The following NFATC2 variants were observed in gnomAD, a reference collection of about 807,000 sequenced individuals.
NFATC2 encodes the protein nuclear factor of activated T cells 2, also known as nuclear factor of activated T-cells, cytoplasmic 2.
Under a neutral mutation model 87.3 loss-of-function variants are expected in NFATC2, and 22 were observed. The ratio of observed to expected loss-of-function variants is 0.25; its 90% CI spans 0.18 to 0.36. The LOEUF (loss-of-function observed/expected upper bound fraction) is 0.36. NFATC2 is among the 10% of genes least tolerant of loss of function. The probability of loss-of-function intolerance (pLI) is 1.00; values close to 1 mark genes in which losing one functional copy is unlikely to be tolerated. For missense variants in NFATC2, 1,149 were observed against 1,259.1 expected (o/e 0.91, Z 1.32); for synonymous variants, 565 against 542.2 (o/e 1.04, Z -0.58).
chr20:51,406,274 C>T (rs182762377), intron 9 of NFATC2, among the ~76,000 whole-genome samples: 2 of 152,336 alleles, frequency 1.3e-5, no homozygotes, highest in African/African-American at 4.8e-5. Flanking sequence ...CAAGAATACG[C>T]TTCTCTGAAT....
rs759708893 is a variant in NFATC2, at chr20:51,474,031, A to G, written c.1657T>C (p.Ser553Pro). The G allele has an allele frequency of 6.2e-7, 1 of 1,613,980 alleles. No homozygotes were observed. The highest frequency in any genetic ancestry group is 2.2e-5 in the East Asian group (1 of 44,862). Residue 553 changes from serine (S) to proline (P), a missense_variant, in exon 5 of 11, where the codon TCC becomes CCC. By Grantham distance (74) the Ser-to-Pro change is moderately conservative. Coordinates refer to ENST00000371564, the MANE Select transcript of NFATC2 (RefSeq NM_012340.5). ...RLVFRVHIPESSGRIVSLQTA... is the reference protein window; with the variant it reads ...RLVFRVHIPEPSGRIVSLQTA... ...TGTAAAGAGACGATTCTGCCACTGG[A>G]CTCTGGGATGTGAACTCGGAAAACC...
intron 3 of NFATC2, among the ~76,000 whole-genome samples, chr20:51,514,228 G>C (rs2076316215): frequency 6.6e-6 from 1 of 152,194 alleles, no homozygotes; most frequent in Non-Finnish European, 1.5e-5. Context: ...ACCATGCCTG[G>C]TACATAGTAG....
At chr20:51,560,916 A>G (rs1252985755) in intron 1 of NFATC2, among the ~76,000 whole-genome samples, 2 of 152,218 alleles carry the variant, frequency 1.3e-5, no homozygotes, top group Non-Finnish European at 2.9e-5. Context: ...TAGATCACAC[A>G]GTAAAACAGA....
At chr20:51,434,604 T>C (rs1399553821) in intron 8 of NFATC2, among the ~76,000 whole-genome samples, 1 of 152,236 alleles carries the variant, frequency 6.6e-6, no homozygotes, top group East Asian at 1.9e-4. Context: ...ATTCTTACCC[T>C]GTAGTGTTCA....
intron 7 of NFATC2, 112 bp downstream of exon 7, chr20:51,435,594 A>T: frequency 8.6e-7 from 1 of 1,168,226 alleles, no homozygotes; most frequent in Non-Finnish European, 1.2e-6. Context: ...AGTACCTGTT[A>T]GGTCCAGAGC....
In NFATC2 at chr20:51,467,653, C is replaced by T. The variant is rs185290469; in HGVS notation, c.1708+6327G>A. ...GCACATTAAAACCACAATGAGATCC[C>T]ATTTTACTCTCATTAGAAGGGTTAA... is the stretch of plus-strand genomic sequence containing the variant. On this transcript the variant is annotated intron_variant, in intron 5 of 10. Transcript: ENST00000371564. Among the ~76,000 whole-genome samples, 12 of 152,302 alleles carry T rather than the reference C, an allele frequency of 7.9e-5. No individual in the cohort carries two copies. The East Asian group carries it at 1.2e-3, about 15-fold the overall frequency.
At chr20:51,521,575 C>T (rs1193748701) in intron 2 of NFATC2, among the ~76,000 whole-genome samples, 1 of 152,242 alleles carries the variant, frequency 6.6e-6, no homozygotes, top group Non-Finnish European at 1.5e-5. Flanking sequence ...CCCACCTCGG[C>T]CTCCCAAAGT....
At chr20:51,442,079 T>G (rs1984417548) in intron 6 of NFATC2, among the ~76,000 whole-genome samples, 1 of 152,330 alleles carries the variant, frequency 6.6e-6, no homozygotes, top group South Asian at 2.1e-4. Context: ...AGAAGAGCAC[T>G]GGGCAGCCCT....
At chr20:51,558,969 G>T (rs1332928575) in intron 1 of NFATC2, among the ~76,000 whole-genome samples, 3 of 152,194 alleles carry the variant, frequency 2.0e-5, no homozygotes, top group Non-Finnish European at 4.4e-5. Context: ...GCCTCAGGGG[G>T]CTTGTAATCT....
rs1201700455 is a variant in NFATC2 at position 51,465,436 on chromosome 20, C to T, written c.1708+8544G>A. On this transcript the variant is annotated intron_variant, in intron 5 of 10. Coordinates refer to ENST00000371564, the MANE Select transcript of NFATC2 (RefSeq NM_012340.5). ...TCAACCTCCTACTTGGAACCCATGG[C>T]TTCCCATCCTAATTAGAATAAAATC... Among the ~76,000 whole-genome samples, 9 of 152,138 alleles carry T rather than the reference C, an allele frequency of 5.9e-5. No individual in the cohort carries two copies. The East Asian group carries it at 1.7e-3, about 29-fold the overall frequency.
chr20:51,551,393 T>C (rs2076931102), intron 1 of NFATC2, among the ~76,000 whole-genome samples: 6 of 152,058 alleles, frequency 3.9e-5, no homozygotes. Context: ...CTTGTCTTTA[T>C]TTAACATTTT....
At chr20:51,497,288 A>G (rs1028996429) in intron 3 of NFATC2, among the ~76,000 whole-genome samples, 3 of 152,182 alleles carry the variant, frequency 2.0e-5, no homozygotes, top group African/African-American at 7.2e-5. Flanking sequence ...TGGGCCAATC[A>G]TTCTTCTCCC....
intron 1 of NFATC2, among the ~76,000 whole-genome samples, chr20:51,535,170 C>T (rs57244393): frequency 0.05 from 7,577 of 152,230 alleles, 636 homozygotes; most frequent in African/African-American, 0.17. Flanking sequence ...AAATAGACTT[C>T]AGATAATCCT....
rs114861682 is a variant in NFATC2 at position 51,556,241 on chromosome 20, G to A, written c.70+6319C>T. Among the ~76,000 whole-genome samples, 550 of 152,214 alleles carry A rather than the reference G, an allele frequency of 3.6e-3. 5 individuals carry two copies. The highest frequency in any genetic ancestry group is 0.013 in the African/African-American group (526 of 41,522). ...CTGTGACACCTTGATTCAAACTTCCGGCCTCTAGAACTATGAGAGAATAAA... is the reference window on the plus strand; with the variant it reads ...CTGTGACACCTTGATTCAAACTTCCAGCCTCTAGAACTATGAGAGAATAAA... On this transcript the variant is annotated intron_variant, in intron 1 of 10. Transcript: ENST00000414705.
chr20:51,480,212 CG>C lies in NFATC2; in HGVS notation c.1333-4553del, dbSNP rs1989122671. Reference sequence around the variant, plus strand: ...CCAAGGCAGGAGAATCACTTGAACCCGGGGGTTGGAGGTGGCAGTGAGCCGA... The same window carrying C: ...CCAAGGCAGGAGAATCACTTGAACCCGGGGTTGGAGGTGGCAGTGAGCCGA... On this transcript the variant is annotated intron_variant, in intron 3 of 10. Coordinates refer to ENST00000371564, the MANE Select transcript of NFATC2 (RefSeq NM_012340.5). This position sits in a 1 kb window ranked among gnomAD's most constrained non-coding sequence, Gnocchi z 4.2. Among the ~76,000 whole-genome samples the C allele has an allele frequency of 1.3e-5, 2 of 152,098 alleles. No homozygotes were observed. The highest frequency in any genetic ancestry group is 4.8e-5 in the African/African-American group (2 of 41,472).
In NFATC2 at chr20:51,395,783, T is replaced by TATTA. The variant is rs575992132; in HGVS notation, c.*44+2856_*44+2859dup. Among the ~76,000 whole-genome samples, 846 of 152,148 alleles carry TATTA rather than the reference T, an allele frequency of 5.6e-3. 6 individuals are homozygous for TATTA. Among genetic ancestry groups the TATTA allele is most frequent in the African/African-American group, 0.019 (800 of 41,502 alleles). Reference sequence around the variant, plus strand: ...AGGTGTTTCAACTCAGTAAGAAGGATATTAATATTCTAATAAAAATGGCTA... The same window carrying TATTA: ...AGGTGTTTCAACTCAGTAAGAAGGATATTAATTAATATTCTAATAAAAATGGCTA... On this transcript the variant is annotated intron_variant, in intron 10 of 10. Transcript: ENST00000371564.
intron 1 of NFATC2, among the ~76,000 whole-genome samples, chr20:51,528,368 A>G (rs1380393004): frequency 1.3e-5 from 2 of 152,186 alleles, no homozygotes; most frequent in African/African-American, 4.8e-5. Context: ...GCACAGCATA[A>G]AAAGTGAGAG....
chr20:51,391,464 AGAG>A lies in NFATC2; in HGVS notation c.*45-16_*45-14del, dbSNP rs781036034. 1.1e-5 allele frequency: 10 copies of A among 881,726 alleles called. No individual in the cohort carries two copies. The highest frequency in any genetic ancestry group is 3.9e-5 in the South Asian group (3 of 77,656). The allele number at this position is 881,726 out of a possible 1,614,324, so 54.6% of individuals were successfully genotyped here. A position where few individuals can be genotyped will look rare whatever the true frequency, so the allele number is the denominator to read the frequency against. Reference sequence around the variant, plus strand: ...ATAATTTCATTAACTACAAAAGAAAAGAGGAGGGGGGGGGAGAGAGAATGGGGC... The same window carrying A: ...ATAATTTCATTAACTACAAAAGAAAAGAGGGGGGGGGAGAGAGAATGGGGC... On this transcript the variant is annotated splice_polypyrimidine_tract_variant and intron_variant, in intron 10 of 10. Coordinates refer to ENST00000371564, the MANE Select transcript of NFATC2 (RefSeq NM_012340.5).
At chr20:51,440,880 C>T (rs146556238) in intron 6 of NFATC2, among the ~76,000 whole-genome samples, 277 of 152,366 alleles carry the variant, frequency 1.8e-3, no homozygotes, top group African/African-American at 6.3e-3. Context: ...GGCTCCTCCT[C>T]CCCACTCCAC....
Sources: gnomAD v4.1 joint callset for allele counts (sites outside exome capture counted in the v4.1 genomes callset) on GRCh38, gnomAD v4.1.1 for gene constraint, Gnocchi (gnomAD v3.1) non-coding constraint, MANE v1.5 for transcripts, NCBI Gene and HGNC (gene_info 2026-07-23, HGNC 2026-07-21) for gene names.